Variants in CCDC149 observed in about 807,000 individuals in gnomAD.
CCDC149 encodes coiled-coil domain-containing protein 149.
Under a neutral mutation model 59.9 loss-of-function variants are expected in CCDC149, and 45 were observed. The observed-to-expected ratio is 0.75, with a 90% CI of 0.59 to 0.96. CCDC149 has a LOEUF of 0.96. CCDC149 is among the 40% of genes least tolerant of loss of function. CCDC149 has a pLI of 0.00. For synonymous variants in CCDC149, 245 were observed against 260.6 expected, an observed-to-expected ratio of 0.94 and a Z score of 0.58; for missense variants, 584 against 664.7, an observed-to-expected ratio of 0.88 and a Z score of 1.33.
intron 1 of CCDC149, among the ~76,000 whole-genome samples, chr4:24,883,575 T>C (rs1384149470): frequency 1.3e-5 from 2 of 152,166 alleles, no homozygotes; most frequent in African/African-American, 4.8e-5. Context: ...TTGGAAATCA[T>C]TCACTTGTTC....
chr4:24,975,266 G>A (rs898898461), intron 1 of CCDC149, among the ~76,000 whole-genome samples: 3 of 151,290 alleles, frequency 2.0e-5, no homozygotes, highest in Non-Finnish European at 1.5e-5. Context: ...AAACAGGAAG[G>A]GAAGGGAGGA....
intron 1 of CCDC149, among the ~76,000 whole-genome samples, chr4:24,963,941 C>T (rs1723719584): frequency 6.6e-6 from 1 of 152,078 alleles, no homozygotes; most frequent in Admixed American, 6.6e-5. Flanking sequence ...GTAGGAGGAT[C>T]CCAAGCACTT....
intron 1 of CCDC149, among the ~76,000 whole-genome samples, chr4:24,886,476 A>T (rs1720184640): frequency 6.6e-6 from 1 of 152,258 alleles, no homozygotes; most frequent in Non-Finnish European, 1.5e-5. Flanking sequence ...ATCTGTCCAC[A>T]GTTATTAATG....
In CCDC149 at chr4:24,834,978, C is replaced by T. The variant is rs368466250; in HGVS notation, c.790G>A (p.Ala264Thr). 11 of 1,614,006 alleles carry T rather than the reference C, an allele frequency of 6.8e-6. No individual in the cohort carries two copies. In the African/African-American group the frequency reaches 1.2e-4, roughly 18 times the overall value. Residue 264 changes from alanine (A) to threonine (T), a missense_variant, in exon 8 of 13, where the codon GCT becomes ACT. Ala to Thr is a moderately conservative substitution (Grantham distance 58). Transcript: ENST00000635206. ...TTTGCAGACAGGACTCCTGTCAGAGCACTGCTGCTGGATTTACCCTGGCCC... is the reference window on the plus strand; with the variant it reads ...TTTGCAGACAGGACTCCTGTCAGAGTACTGCTGCTGGATTTACCCTGGCCC...
intron 1 of CCDC149, among the ~76,000 whole-genome samples, chr4:24,920,683 G>C (rs1317146696): frequency 3.3e-5 from 5 of 152,220 alleles, no homozygotes; most frequent in Admixed American, 2.6e-4. Context: ...CATCTTTGGA[G>C]ACAAGCTGCC....
intron 12 of CCDC149, among the ~76,000 whole-genome samples, chr4:24,814,710 T>C (rs1034250072): frequency 6.6e-6 from 1 of 152,348 alleles, no homozygotes; most frequent in South Asian, 2.1e-4. Flanking sequence ...CTATACATCA[T>C]TGAAAGGCTG....
chr4:24,820,061 G>A (rs1715287421), intron 11 of CCDC149, 86 bp from the exon 12 acceptor site: 10 of 930,684 alleles, frequency 1.1e-5, no homozygotes, highest in East Asian at 8.0e-5. Flanking sequence ...TCGGCACAGG[G>A]CTGGCTACCC....
intron 3 of CCDC149, among the ~76,000 whole-genome samples, chr4:24,860,614 A>G (rs574556260): frequency 6.6e-6 from 1 of 152,350 alleles, no homozygotes; most frequent in East Asian, 1.9e-4. Context: ...TAAACTAAAA[A>G]GCTTCTGCAG....
Position 24,912,033 on chromosome 4 carries a change from G to T in CCDC149, c.63+784C>A, listed in dbSNP as rs548695373. On this transcript the variant is annotated intron_variant, in intron 1 of 12. Coordinates refer to ENST00000635206, the MANE Select transcript of CCDC149 (RefSeq NM_001330643.2). ...AGGGCAACTTACCTGGTTGCCTCCA[G>T]GTGAGAGGGAGAAATCCGCATTCCC... Among the ~76,000 whole-genome samples the T allele has an allele frequency of 1.2e-3, 181 of 152,302 alleles. 1 individual carries two copies. The highest frequency in any genetic ancestry group is 1.9e-3 in the Non-Finnish European group (131 of 68,034).
chr4:24,856,142 T>G (rs1001390442), intron 3 of CCDC149, among the ~76,000 whole-genome samples: 2 of 107,532 alleles, frequency 1.9e-5, no homozygotes, highest in African/African-American at 7.0e-5. Flanking sequence ...AACAGAGCTG[T>G]GTAAATGCAG....
At chr4:24,907,318 T>A (rs1027680481) in intron 1 of CCDC149, among the ~76,000 whole-genome samples, 4 of 152,158 alleles carry the variant, frequency 2.6e-5, no homozygotes, top group African/African-American at 4.8e-5. Context: ...CATGGTGCAG[T>A]CATTCCCTCA....
chr4:24,941,487 C>A (rs1722952558), intron 1 of CCDC149, among the ~76,000 whole-genome samples: 1 of 152,076 alleles, frequency 6.6e-6, no homozygotes. Context: ...ATTAAAAGAA[C>A]TAGGGAAGCA....
At chr4:24,943,132 A>G (rs1307554991) in intron 1 of CCDC149, among the ~76,000 whole-genome samples, 1 of 152,184 alleles carries the variant, frequency 6.6e-6, no homozygotes, top group Non-Finnish European at 1.5e-5. Flanking sequence ...GCATCACGAT[A>G]CCTGACTTCA....
upstream of CCDC149, among the ~76,000 whole-genome samples, chr4:24,917,323 G>T (rs898485732): frequency 1.3e-5 from 2 of 152,250 alleles, no homozygotes; most frequent in Non-Finnish European, 2.9e-5. Flanking sequence ...GGGGTGGAAG[G>T]AAGTTGCACT....
intron 3 of CCDC149, 170 bp from the exon 4 acceptor site, chr4:24,853,349 T>G (rs1211792815): frequency 4.2e-5 from 25 of 600,432 alleles, no homozygotes; most frequent in Non-Finnish European, 2.9e-6. Flanking sequence ...ACCACTACAA[T>G]GGCACGCAGG....
intron 1 of CCDC149, among the ~76,000 whole-genome samples, chr4:24,882,533 T>C (rs1321621904): frequency 6.6e-6 from 1 of 152,220 alleles, no homozygotes; most frequent in Non-Finnish European, 1.5e-5. Context: ...CAAAACGTTA[T>C]TTCCTGCTAT....
chr4:24,903,617 T>C (rs1330780985), intron 1 of CCDC149, among the ~76,000 whole-genome samples: 1 of 152,174 alleles, frequency 6.6e-6, no homozygotes, highest in Non-Finnish European at 1.5e-5. Context: ...TCATCCCTTT[T>C]AGGTGTAAGT....
intron 1 of CCDC149, among the ~76,000 whole-genome samples, chr4:24,934,774 T>C (rs564097614): frequency 3.9e-5 from 6 of 152,244 alleles, no homozygotes; most frequent in South Asian, 2.1e-4. Context: ...GGCCTTGAGA[T>C]AGAAACACTT....
intron 3 of CCDC149, among the ~76,000 whole-genome samples, chr4:24,865,603 C>T (rs1312336076): frequency 6.6e-6 from 1 of 152,202 alleles, no homozygotes; most frequent in Admixed American, 6.5e-5. Flanking sequence ...CCTACTGCCA[C>T]CTCGTAATCT....
Sources: gnomAD v4.1 joint callset for allele counts (sites outside exome capture counted in the v4.1 genomes callset) on GRCh38, gnomAD v4.1.1 for gene constraint, MANE v1.5 for transcripts, NCBI Gene and HGNC (gene_info 2026-07-23, HGNC 2026-07-21) for gene names.